Variants in CLASP2 observed in about 807,000 individuals in gnomAD.
CLASP2 encodes the protein cytoplasmic linker associated protein 2.
In CLASP2, 47 loss-of-function variants were observed where a neutral mutation model predicts 194.4. The observed-to-expected ratio is 0.24, with a 90% CI of 0.19 to 0.31. The LOEUF (loss-of-function observed/expected upper bound fraction) is 0.31. Among genes scored for constraint, CLASP2 ranks in the 10% least tolerant of loss-of-function variants. The pLI is 1.00. For synonymous variants in CLASP2, 619 were observed against 633.5 expected (o/e 0.98, Z 0.34); for missense variants, 1,445 against 1,823.6 (o/e 0.79, Z 3.78).
At chr3:33,617,057 G>A (rs750803933) in intron 12 of CLASP2, among the ~76,000 whole-genome samples, 1 of 149,468 alleles carries the variant, frequency 6.7e-6, no homozygotes, top group South Asian at 2.1e-4. Context: ...TGTTACAAAG[G>A]TTCTGGATTA....
Position 33,576,137 on chromosome 3 carries a change from A to G in CLASP2, c.2454+32T>C, listed in dbSNP as rs2064838419. 14 of 1,555,838 alleles carry G rather than the reference A, an allele frequency of 9.0e-6. No homozygotes were observed. In the East Asian group the frequency reaches 3.1e-4, roughly 35 times the overall value. Reference sequence around the variant, plus strand: ...CATTCAACAGTTTCGTAATTGGAACATTTATAATGATAAGAAAATGGAGAA... The same window carrying G: ...CATTCAACAGTTTCGTAATTGGAACGTTTATAATGATAAGAAAATGGAGAA... On this transcript the variant is annotated intron_variant, in intron 24 of 38. Coordinates refer to ENST00000682230, the MANE Select transcript of CLASP2 (RefSeq NM_001365631.1).
chr3:33,707,343 C>T (rs990020528), intron 1 of CLASP2, among the ~76,000 whole-genome samples: 7 of 152,122 alleles, frequency 4.6e-5, no homozygotes, highest in African/African-American at 1.4e-4. Context: ...ACTAAAAAAA[C>T]CATTGTTTTC....
chr3:33,679,071 G>C (rs1295984379), intron 6 of CLASP2, among the ~76,000 whole-genome samples: 1 of 152,126 alleles, frequency 6.6e-6, no homozygotes, highest in Non-Finnish European at 1.5e-5. Flanking sequence ...CAATGGAACA[G>C]AAAGAGAACC....
intron 37 of CLASP2, among the ~76,000 whole-genome samples, chr3:33,510,092 G>A (rs1211915914): frequency 1.3e-5 from 2 of 152,140 alleles, no homozygotes; most frequent in African/African-American, 2.4e-5. Context: ...CTACAACATG[G>A]ATGAACTCTG....
At chr3:33,553,841 C>T (rs1244503662) in intron 29 of CLASP2, among the ~76,000 whole-genome samples, 1 of 152,124 alleles carries the variant, frequency 6.6e-6, no homozygotes, top group Non-Finnish European at 1.5e-5. Flanking sequence ...TCCAGCATTC[C>T]ACTAGTGGGT....
intron 36 of CLASP2, among the ~76,000 whole-genome samples, chr3:33,514,207 C>T (rs534222711): frequency 2.6e-5 from 4 of 152,036 alleles, no homozygotes; most frequent in Non-Finnish European, 4.4e-5. Context: ...AGGCTGGTCT[C>T]GAACTCCTGA....
intron 2 of CLASP2, among the ~76,000 whole-genome samples, chr3:33,690,734 T>C (rs185337797): frequency 6.6e-6 from 1 of 152,350 alleles, no homozygotes; most frequent in Admixed American, 6.5e-5. Context: ...ATTCTTGGAC[T>C]GTCCCGCTCC....
At chr3:33,609,024 A>T in intron 13 of CLASP2, among the ~76,000 whole-genome samples, 1 of 152,222 alleles carries the variant, frequency 6.6e-6, no homozygotes, top group Admixed American at 6.6e-5. Flanking sequence ...TCATGCCTGT[A>T]ATCTCAGCAC....
intron 8 of CLASP2, chr3:33,644,318 T>C: frequency 6.0e-6 from 1 of 167,108 alleles, no homozygotes; most frequent in Non-Finnish European, 1.3e-5. Context: ...CAGTACCCAG[T>C]ATCTTCAACC....
At chr3:33,585,777 TTAA>T (rs903797119) in intron 21 of CLASP2, among the ~76,000 whole-genome samples, 1 of 152,070 alleles carries the variant, frequency 6.6e-6, no homozygotes, top group Non-Finnish European at 1.5e-5. Flanking sequence ...TGGTCACTGA[TTAA>T]ATGTGGTTAT....
At chr3:33,635,144 CA>C (rs1253679698) in intron 8 of CLASP2, among the ~76,000 whole-genome samples, 173 of 151,634 alleles carry the variant, frequency 1.1e-3, no homozygotes, top group African/African-American at 4.1e-3. Context: ...CCTGTAATCT[CA>C]GCTACTTGGG....
chr3:33,624,585 G>A (rs1482979049), intron 10 of CLASP2, among the ~76,000 whole-genome samples: 1 of 152,006 alleles, frequency 6.6e-6, no homozygotes, highest in Non-Finnish European at 1.5e-5. Flanking sequence ...CCCTATATAT[G>A]CTTTTTTTTC....
At chr3:33,554,225 CAAAAAAAA>C (rs58168943) in intron 29 of CLASP2, among the ~76,000 whole-genome samples, 2 of 88,944 alleles carry the variant, frequency 2.2e-5, no homozygotes, top group African/African-American at 9.3e-5. Flanking sequence ...GAAACTGTCT[CAAAAAAAA>C]AAAAAAAAAA....
intron 34 of CLASP2, among the ~76,000 whole-genome samples, chr3:33,519,823 T>C (rs1349132516): frequency 6.6e-6 from 1 of 152,188 alleles, no homozygotes; most frequent in African/African-American, 2.4e-5. Context: ...TAGACTATGA[T>C]GAAGTAGTGT....
At chr3:33,649,068 T>G (rs2082739333) in intron 7 of CLASP2, among the ~76,000 whole-genome samples, 3 of 151,946 alleles carry the variant, frequency 2.0e-5, no homozygotes, top group African/African-American at 7.2e-5. Flanking sequence ...TCTTTCTCTC[T>G]AATCCCCCCA....
chr3:33,709,868 A>G (rs1280547186), intron 1 of CLASP2, among the ~76,000 whole-genome samples: 1 of 152,242 alleles, frequency 6.6e-6, no homozygotes, highest in African/African-American at 2.4e-5. Context: ...TAACTTACTA[A>G]AAGATTTAGA....
At chr3:33,565,953 T>A (rs1244432148) in intron 27 of CLASP2, among the ~76,000 whole-genome samples, 1 of 152,140 alleles carries the variant, frequency 6.6e-6, no homozygotes, top group African/African-American at 2.4e-5. Context: ...ATATACAGAT[T>A]TTTCTATTGC....
chr3:33,575,802 C>A (rs896386709), intron 24 of CLASP2, among the ~76,000 whole-genome samples: 13 of 151,822 alleles, frequency 8.6e-5, no homozygotes, highest in African/African-American at 3.1e-4. Flanking sequence ...AAAATCCAGC[C>A]CCAAAGTAAA....
At chr3:33,629,816 C>T (rs1453767483) in intron 9 of CLASP2, among the ~76,000 whole-genome samples, 1 of 145,654 alleles carries the variant, frequency 6.9e-6, no homozygotes, top group Non-Finnish European at 1.5e-5. Context: ...AACGAGAGAA[C>T]CAAGGGATTT....
Sources: allele counts gnomAD v4.1 joint callset (sites outside exome capture counted in the v4.1 genomes callset), GRCh38; gene constraint gnomAD v4.1.1; transcripts MANE v1.5; gene names NCBI Gene and HGNC (gene_info 2026-07-23, HGNC 2026-07-21).